The following JMJD1C variants were observed in gnomAD, a reference collection of about 807,000 sequenced individuals.
JMJD1C encodes the protein jumonji domain containing 1C.
In JMJD1C, 31 loss-of-function variants were observed where a neutral mutation model predicts 245.3. That is an observed-to-expected ratio of 0.13 (90% CI 0.09 to 0.17). The LOEUF (loss-of-function observed/expected upper bound fraction) is 0.17, where lower values mean the gene tolerates loss of function less well. Ranked by LOEUF, JMJD1C falls within the 10% of genes least tolerant of loss-of-function variation. JMJD1C has a pLI of 1.00. For missense variants in JMJD1C, 2,691 were observed against 3,000.2 expected (o/e 0.90, Z 2.41); for synonymous variants, 1,057 against 1,017.4 (o/e 1.04, Z -0.74).
At chr10:63,327,045 G>A (rs955009860) in intron 2 of JMJD1C, among the ~76,000 whole-genome samples, 2 of 152,018 alleles carry the variant, frequency 1.3e-5, no homozygotes, top group African/African-American at 4.8e-5. Context: ...AAATTAGCCC[G>A]GTGTGGTGGC....
intron 3 of JMJD1C, chr10:63,222,863 T>G (rs935157243): frequency 1.4e-6 from 2 of 1,453,858 alleles, no homozygotes; most frequent in Non-Finnish European, 1.9e-6. Context: ...TGGATCAAAA[T>G]ATATAAAAAC....
chr10:63,498,429 T>G (rs548025684), intron 1 of JMJD1C, among the ~76,000 whole-genome samples: 106 of 152,308 alleles, frequency 7.0e-4, no homozygotes, highest in African/African-American at 2.4e-3. Context: ...AAGCTTCTAC[T>G]TTCACATTTT....
chr10:63,440,109 C>A (rs754865530), intron 1 of JMJD1C, among the ~76,000 whole-genome samples: 1 of 152,052 alleles, frequency 6.6e-6, no homozygotes, highest in Non-Finnish European at 1.5e-5. Context: ...CCAAGGTGGG[C>A]GGATCACCTG....
intron 3 of JMJD1C, among the ~76,000 whole-genome samples, chr10:63,255,726 A>T (rs1195863542): frequency 2.0e-5 from 3 of 152,204 alleles, no homozygotes; most frequent in Admixed American, 6.5e-5. Context: ...TCCTGAAAGC[A>T]TTACACAAAA....
At position 63,207,702 on chromosome 10, in the gene JMJD1C, A is replaced by G. The variant is rs746691384; in HGVS notation, c.3967T>C (p.Leu1323=). 6 of 1,614,190 alleles carry G rather than the reference A, an allele frequency of 3.7e-6. No homozygotes were observed. The highest frequency in any genetic ancestry group is 4.2e-6 in the Non-Finnish European group (5 of 1,180,006). ...TKTDSMPAMQ[L]ASKDRVSERS... ...TCACTAACACGATCTTTAGAAGCTA[A>G]CTGCATTGCTGGCATACTATCAGTT... The change falls in exon 10 of 26, where the codon TTA becomes CTA. Residue 1323 remains leucine, a synonymous_variant. Transcript: ENST00000399262.
intron 1 of JMJD1C, among the ~76,000 whole-genome samples, chr10:63,508,641 C>A (rs1296719578): frequency 6.6e-6 from 1 of 152,060 alleles, no homozygotes; most frequent in Admixed American, 6.5e-5. Context: ...TTATTTAGTT[C>A]TTCTGTTTTC....
chr10:63,453,000 G>A (rs1952167097), intron 1 of JMJD1C, among the ~76,000 whole-genome samples: 1 of 152,096 alleles, frequency 6.6e-6, no homozygotes, highest in Non-Finnish European at 1.5e-5. Flanking sequence ...AAAATGAGCT[G>A]TGCGTGGCTC....
intron 8 of JMJD1C, among the ~76,000 whole-genome samples, chr10:63,211,015 G>A (rs906478090): frequency 2.0e-5 from 3 of 152,176 alleles, no homozygotes; most frequent in Non-Finnish European, 2.9e-5. Context: ...GGGCATCACT[G>A]GTGAGACTTC....
chr10:63,181,004 G>A lies in JMJD1C; in HGVS notation c.7084+2443C>T, dbSNP rs1194092942. ...GGGATGGTCTCGATCTCCTGACCTCGTGATCCGCCCGCCTCGGCCTCCCAA... is the reference window on the plus strand; with the variant it reads ...GGGATGGTCTCGATCTCCTGACCTCATGATCCGCCCGCCTCGGCCTCCCAA... On this transcript the variant is annotated intron_variant, in intron 22 of 25. Coordinates refer to ENST00000399262, the MANE Select transcript of JMJD1C (RefSeq NM_032776.3). Among the ~76,000 whole-genome samples, 8 of 151,988 alleles carry A rather than the reference G, an allele frequency of 5.3e-5. No homozygotes were observed. In the South Asian group the frequency reaches 1.5e-3, roughly 28 times the overall value.
intron 3 of JMJD1C, among the ~76,000 whole-genome samples, chr10:63,253,716 A>G (rs1424545140): frequency 6.6e-6 from 1 of 152,062 alleles, no homozygotes; most frequent in Non-Finnish European, 1.5e-5. Flanking sequence ...GTAATACTGC[A>G]CCAGGCGCGG....
chr10:63,491,433 C>G (rs1257971847), intron 1 of JMJD1C, among the ~76,000 whole-genome samples: 1 of 152,148 alleles, frequency 6.6e-6, no homozygotes, highest in African/African-American at 2.4e-5. Flanking sequence ...AAGATGGAAT[C>G]TGCACCAGTA....
intron 10 of JMJD1C, among the ~76,000 whole-genome samples, chr10:63,205,692 C>A (rs576320182): frequency 6.6e-6 from 1 of 152,144 alleles, no homozygotes; most frequent in Admixed American, 6.5e-5. Flanking sequence ...CAAACCCGTA[C>A]AGTATTTACT....
intron 1 of JMJD1C, among the ~76,000 whole-genome samples, chr10:63,422,082 G>A (rs746880155): frequency 6.6e-6 from 1 of 151,390 alleles, no homozygotes; most frequent in Non-Finnish European, 1.5e-5. Context: ...GATCATAGAA[G>A]AGAGAGACAC....
At chr10:63,366,920 C>T (rs1389533423) in intron 2 of JMJD1C, among the ~76,000 whole-genome samples, 1 of 152,134 alleles carries the variant, frequency 6.6e-6, no homozygotes, top group Admixed American at 6.5e-5. Context: ...AATGCTGGGC[C>T]AAGCCTGGTT....
chr10:63,475,093 G>C (rs1456077268), intron 1 of JMJD1C, among the ~76,000 whole-genome samples: 3 of 152,006 alleles, frequency 2.0e-5, no homozygotes, highest in Non-Finnish European at 2.9e-5. Flanking sequence ...ATTTGCAGAT[G>C]TTCATGATTC....
chr10:63,433,385 C>T (rs957896479), intron 1 of JMJD1C, among the ~76,000 whole-genome samples: 1 of 151,800 alleles, frequency 6.6e-6, no homozygotes, highest in African/African-American at 2.4e-5. Flanking sequence ...CTTGTGCCAC[C>T]GCGCCCGGCC....
chr10:63,340,933 A>G (rs1234111484), intron 2 of JMJD1C, among the ~76,000 whole-genome samples: 1 of 152,184 alleles, frequency 6.6e-6, no homozygotes, highest in African/African-American at 2.4e-5. Flanking sequence ...CGAAAAGAGC[A>G]AGACTCCATC....
chr10:63,311,208 T>TAA (rs35736800), intron 2 of JMJD1C, among the ~76,000 whole-genome samples: 224 of 128,738 alleles, frequency 1.7e-3, no homozygotes, highest in Admixed American at 3.3e-3. Flanking sequence ...CCGGCTCTAT[T>TAA]AAAAAAAAAA....
chr10:63,193,358 T>C lies in JMJD1C; in HGVS notation c.5849A>G (p.Asn1950Ser). Reference protein sequence around the residue: ...NLQVGNFPTMNGVSQVLQNVL... With the variant: ...NLQVGNFPTMSGVSQVLQNVL... ...ATTTTTACTCACTTGAGATACACCATTCATTGTAGGAAAATTTCCAACTTG... is the reference window on the plus strand; with the variant it reads ...ATTTTTACTCACTTGAGATACACCACTCATTGTAGGAAAATTTCCAACTTG... The change falls in exon 15 of 26, where the codon AAT becomes AGT. Residue 1950 changes from asparagine to serine, a missense_variant. Asn to Ser is a conservative substitution (Grantham distance 46). Transcript: ENST00000399262. 7 of 1,599,574 alleles carry C rather than the reference T, an allele frequency of 4.4e-6. No individual in the cohort carries two copies. Among genetic ancestry groups the C allele is most frequent in the Non-Finnish European group, 6.0e-6 (7 of 1,173,656 alleles).
Sources: gnomAD v4.1 joint callset for allele counts (sites outside exome capture counted in the v4.1 genomes callset) on GRCh38, gnomAD v4.1.1 for gene constraint, MANE v1.5 for transcripts, NCBI Gene and HGNC (gene_info 2026-07-23, HGNC 2026-07-21) for gene names.